Variants in CNTN2 observed in about 807,000 individuals in gnomAD.
The protein encoded by CNTN2 is contactin-2.
A neutral mutation model predicts 117.5 loss-of-function variants in CNTN2; 53 were observed. That is an observed-to-expected ratio of 0.45 (90% confidence interval 0.36 to 0.57). The LOEUF (loss-of-function observed/expected upper bound fraction) is 0.57, where lower values mean the gene tolerates loss of function less well. Among genes scored for constraint, CNTN2 ranks in the 20% least tolerant of loss-of-function variants. CNTN2 has a pLI of 0.00. For missense variants in CNTN2, 1,106 were observed against 1,404.3 expected (o/e 0.79, Z 3.39); for synonymous variants, 530 against 561.7 (o/e 0.94, Z 0.80).
intron 16 of CNTN2, 123 bp from the exon 17 acceptor site, chr1:205,069,368 G>A (rs937443685): frequency 1.2e-6 from 1 of 858,982 alleles, no homozygotes; most frequent in Non-Finnish European, 1.8e-6. Flanking sequence ...ACCACTGGGG[G>A]GCAAACCCAG....
chr1:205,073,017 A>G lies in CNTN2; in HGVS notation c.2845-51A>G, dbSNP rs781200593. 5 of 1,598,044 alleles carry G rather than the reference A, an allele frequency of 3.1e-6. No homozygotes were observed. In the Admixed American group the frequency reaches 6.8e-5, roughly 22 times the overall value. On this transcript the variant is annotated intron_variant, in intron 21 of 22. Transcript: ENST00000331830. The surrounding 1 kb of genome is among the most constrained non-coding windows in gnomAD (Gnocchi z 6.3). ...AGTACCTAAAGCTGGGGATGACTCA[A>G]CGATCAGCCCTGGTGTCAGGAAACT...
Position 205,065,124 on chromosome 1 carries a change from C to A in CNTN2, c.1557C>A (p.Asp519Glu). The A allele has an allele frequency of 6.2e-7, 1 of 1,614,128 alleles. No homozygotes were observed. The highest frequency in any genetic ancestry group is 1.1e-5 in the South Asian group (1 of 91,080). The change falls in exon 13 of 23, where the codon GAC becomes GAA. Residue 519 changes from aspartate to glutamate, a missense_variant. Asp to Glu is a conservative substitution (Grantham distance 45). Transcript: ENST00000331830. The surrounding 1 kb of genome is among the most constrained non-coding windows in gnomAD (Gnocchi z 4.1). ...TCACTCTAGCCCCCTCAAGTGCCGA[C>A]ATCAACTTGGGTGACAACCTGACCC... The part of the protein sequence containing the change: ...TKITLAPSSA[D>E]INLGDNLTLQ...
At chr1:205,051,625 C>T (rs1332424581) in intron 1 of CNTN2, among the ~76,000 whole-genome samples, 2 of 152,132 alleles carry the variant, frequency 1.3e-5, no homozygotes, top group Non-Finnish European at 2.9e-5. Context: ...ACGCCCCCCA[C>T]CCCCAGCAAA....
In CNTN2 at chr1:205,063,908, G is replaced by A. The variant is rs74946461; in HGVS notation, c.1241-414G>A. ...CACAACTTCAAAAGAGAGAGAGAGA[G>A]AAAAAAAAAGGCTAGGTGATTGGAA... On this transcript the variant is annotated intron_variant, in intron 10 of 22. Coordinates refer to ENST00000331830, the MANE Select transcript of CNTN2 (RefSeq NM_005076.5). Among the ~76,000 whole-genome samples, 54 of 150,108 alleles carry A rather than the reference G, an allele frequency of 3.6e-4. 1 individual carries two copies. In the South Asian group the frequency reaches 4.0e-3, roughly 11 times the overall value.
intron 20 of CNTN2, 174 bp from the exon 21 acceptor site, chr1:205,072,309 G>A (rs1021945984): frequency 6.1e-6 from 5 of 817,728 alleles, no homozygotes; most frequent in East Asian, 2.6e-5. Context: ...CCCCTGAAGC[G>A]TCTCACACTT....
intron 1 of CNTN2, among the ~76,000 whole-genome samples, chr1:205,045,912 C>T (rs2096440824): frequency 6.6e-6 from 1 of 152,114 alleles, no homozygotes; most frequent in South Asian, 2.1e-4. Context: ...GGCTGGCTGA[C>T]CCTGTAAATT....
In CNTN2 at chr1:205,078,101, T is replaced by C. The variant is rs1334088887; in HGVS notation, c.*4336T>C. 1 of 152,226 alleles carries C rather than the reference T, an allele frequency of 6.6e-6. No individual in the cohort carries two copies. Among genetic ancestry groups the C allele is most frequent in the Non-Finnish European group, 1.5e-5 (1 of 68,064 alleles). The allele number at this position is 152,226 out of a possible 1,614,324, so 9.4% of individuals were successfully genotyped here. A position where few individuals can be genotyped will look rare whatever the true frequency, so the allele number is the denominator to read the frequency against. The stretch of plus-strand genomic sequence containing the variant: ...AGAGGCTTTTATCCAAGAATTTCTT[T>C]ACCCCCCACACAGTGAAATATAAGT... On this transcript the variant is annotated 3_prime_UTR_variant, in exon 23 of 23. Transcript: ENST00000331830.
Position 205,053,271 on chromosome 1 carries a change from T to A in CNTN2, c.70+16T>A, listed in dbSNP as rs1212916132. The A allele has an allele frequency of 6.2e-6, 10 of 1,608,314 alleles. No homozygotes were observed. In the Admixed American group the frequency reaches 1.3e-4, roughly 22 times the overall value. ...TCCTCTTCAGGTAAGAGGGCTCATC[T>A]GGGCTTTGAAGCCTAGCAGGCATGA... On this transcript the variant is annotated intron_variant, in intron 2 of 22. Transcript: ENST00000331830.
intron 10 of CNTN2, 35 bp from the exon 11 acceptor site, chr1:205,064,287 G>C (rs1240561516): frequency 6.5e-7 from 1 of 1,528,916 alleles, no homozygotes; most frequent in Non-Finnish European, 8.8e-7. Context: ...AAGGGTGACA[G>C]TACTTTTCTC....
Position 205,073,798 on chromosome 1 carries a change from A to T in CNTN2, c.*33A>T, listed in dbSNP as rs1393952903. 6.3e-7 allele frequency: 1 copy of T among 1,578,218 alleles called. No homozygotes were observed. The highest frequency in any genetic ancestry group is 8.7e-7 in the Non-Finnish European group (1 of 1,151,460). On this transcript the variant is annotated 3_prime_UTR_variant, in exon 23 of 23. Coordinates refer to ENST00000331830, the MANE Select transcript of CNTN2 (RefSeq NM_005076.5). This position sits in a 1 kb window ranked among gnomAD's most constrained non-coding sequence, Gnocchi z 6.3. ...ACCCCTCCCTCTGCGCCGCAGCTGG[A>T]CGCCACCTCCGACGGACACAGCCAG... is the stretch of plus-strand genomic sequence containing the variant.
At chr1:205,050,459 T>A (rs2096450722) in intron 1 of CNTN2, among the ~76,000 whole-genome samples, 1 of 152,224 alleles carries the variant, frequency 6.6e-6, no homozygotes, top group African/African-American at 2.4e-5. Context: ...GCAAAAGCAA[T>A]ACACATTCAA....
At position 205,074,648 on chromosome 1, in the gene CNTN2, T is replaced by C. The variant is rs950704841; in HGVS notation, c.*883T>C. 5.0e-6 allele frequency: 2 copies of C among 398,922 alleles called. No homozygotes were observed. Among genetic ancestry groups the C allele is most frequent in the African/African-American group, 2.1e-5 (1 of 48,688 alleles). 24.7% of individuals were successfully genotyped at this position (398,922 alleles called of 1,614,324 possible). A position where few individuals can be genotyped will look rare whatever the true frequency, so the allele number is the denominator to read the frequency against. ...CCCATTCTGCACAGTCCCTCCAGGG[T>C]TTGGGCAGGAGATGGCCAATCATGC... On this transcript the variant is annotated 3_prime_UTR_variant, in exon 23 of 23. Transcript: ENST00000331830.
At position 205,061,667 on chromosome 1, in the gene CNTN2, C is replaced by A; in HGVS notation, c.974-198C>A. On this transcript the variant is annotated intron_variant, in intron 8 of 22. Coordinates refer to ENST00000331830, the MANE Select transcript of CNTN2 (RefSeq NM_005076.5). The surrounding 1 kb of genome is among the most constrained non-coding windows in gnomAD (Gnocchi z 4.8). Reference sequence around the variant, plus strand: ...GAATGATTTAAGTTGCAAAAGCAGCCACTGGCACAGCCACAGAGTGCCAGC... The same window carrying A: ...GAATGATTTAAGTTGCAAAAGCAGCAACTGGCACAGCCACAGAGTGCCAGC... 1 of 826,192 alleles carries A rather than the reference C, an allele frequency of 1.2e-6. No individual in the cohort carries two copies. Among genetic ancestry groups the A allele is most frequent in the Non-Finnish European group, 1.8e-6 (1 of 543,482 alleles). The allele number at this position is 826,192 out of a possible 1,614,324, so 51.2% of individuals were successfully genotyped here.
At chr1:205,052,019 C>T (rs990850128) in intron 1 of CNTN2, among the ~76,000 whole-genome samples, 12 of 152,182 alleles carry the variant, frequency 7.9e-5, no homozygotes, top group Non-Finnish European at 1.6e-4. Context: ...AGAGATGGGA[C>T]GGGTCTTGCA....
rs1175724797 is a variant in CNTN2 at position 205,067,222 on chromosome 1, C to T, written c.2097C>T (p.Pro699=). The change falls in exon 16 of 23, where the codon CCC becomes CCT. Residue 699 remains proline (P), a synonymous_variant. Transcript: ENST00000331830. ...NILGTGEPSG[P]SSKIRTREAA... ...TGGGCACTGGGGAGCCTAGTGGGCC[C>T]TCCAGCAAAATCCGGACCAGGGAAG... The T allele has an allele frequency of 6.2e-7, 1 of 1,613,706 alleles. No homozygotes were observed.
intron 1 of CNTN2, among the ~76,000 whole-genome samples, chr1:205,047,439 C>G (rs2096443484): frequency 6.6e-6 from 1 of 152,188 alleles, no homozygotes; most frequent in South Asian, 2.1e-4. Context: ...TTGTCTTAGG[C>G]AAAGGAAAAG....
At chr1:205,069,282 G>C in intron 16 of CNTN2, 1 of 557,994 alleles carries the variant, frequency 1.8e-6, no homozygotes, top group Non-Finnish European at 3.2e-6. Context: ...ACTTGCCCAG[G>C]GAAGCACAGC....
chr1:205,063,361 C>T (rs941964155), intron 10 of CNTN2: 1 of 152,222 alleles, frequency 6.6e-6, no homozygotes, highest in Non-Finnish European at 1.5e-5. Context: ...TGCAGTGGCT[C>T]ATGCCTGTGT....
Position 205,073,042 on chromosome 1 carries a change from T to A in CNTN2, c.2845-26T>A, listed in dbSNP as rs759948129. 2 of 1,613,022 alleles carry A rather than the reference T, an allele frequency of 1.2e-6. No homozygotes were observed. Among genetic ancestry groups the A allele is most frequent in the Non-Finnish European group, 1.7e-6 (2 of 1,179,490 alleles). ...ACGATCAGCCCTGGTGTCAGGAAAC[T>A]CCACCTGGAAACCTCCTTCCCACAG... On this transcript the variant is annotated intron_variant, in intron 21 of 22. Coordinates refer to ENST00000331830, the MANE Select transcript of CNTN2 (RefSeq NM_005076.5). The surrounding 1 kb of genome is among the most constrained non-coding windows in gnomAD (Gnocchi z 6.3).
Sources: allele counts gnomAD v4.1 joint callset (sites outside exome capture counted in the v4.1 genomes callset), GRCh38; gene constraint gnomAD v4.1.1; non-coding constraint Gnocchi (gnomAD v3.1); transcripts MANE v1.5; gene names NCBI Gene and HGNC (gene_info 2026-07-23, HGNC 2026-07-21).